SDK1: variants seen among roughly 807,000 people sequenced by gnomAD.
The protein encoded by SDK1 is sidekick cell adhesion molecule 1.
In SDK1, 157 loss-of-function variants were observed where a neutral mutation model predicts 245.5. The observed-to-expected ratio is 0.64, with a 90% confidence interval of 0.56 to 0.73. The LOEUF is 0.73. SDK1 is among the 30% of genes least tolerant of loss of function. The pLI, the probability that SDK1 is intolerant of heterozygous loss-of-function variation, is 0.00. For missense variants in SDK1, 3,583 were observed against 3,002.3 expected (o/e 1.19, Z -4.52); for synonymous variants, 1,647 against 1,278.5 (o/e 1.29, Z -6.15).
chr7:3,320,795 A>C (rs1320030522), intron 1 of SDK1, among the ~76,000 whole-genome samples: 1 of 152,182 alleles, frequency 6.6e-6, no homozygotes, highest in East Asian at 1.9e-4. Context: ...ACCAAACTTT[A>C]TAATATAGTG....
At chr7:3,906,636 TTTTTTTTTTG>T in intron 5 of SDK1, among the ~76,000 whole-genome samples, 1 of 139,384 alleles carries the variant, frequency 7.2e-6, no homozygotes, top group African/African-American at 2.7e-5. Context: ...TTTTTTTTTT[TTTTTTTTTTG>T]AGACAGAGTC....
intron 1 of SDK1, among the ~76,000 whole-genome samples, chr7:3,574,309 G>C (rs1780216285): frequency 6.6e-6 from 1 of 151,774 alleles, no homozygotes; most frequent in African/African-American, 2.4e-5. Flanking sequence ...GTAGAGACAG[G>C]GTTTCACCAT....
chr7:4,144,434 C>T (rs2128206121), intron 28 of SDK1, among the ~76,000 whole-genome samples: 1 of 151,546 alleles, frequency 6.6e-6, no homozygotes, highest in South Asian at 2.1e-4. Flanking sequence ...GCGTGTGTCC[C>T]TGTCTGTGTG....
chr7:4,169,002 A>G (rs958706524), intron 32 of SDK1, among the ~76,000 whole-genome samples: 4 of 152,116 alleles, frequency 2.6e-5, no homozygotes, highest in Non-Finnish European at 4.4e-5. Flanking sequence ...GGGCAAAACA[A>G]TCCGGCTCTC....
At chr7:3,967,240 C>T (rs572794667) in intron 9 of SDK1, 78 bp from the exon 10 acceptor site, 20 of 1,100,996 alleles carry the variant, frequency 1.8e-5, no homozygotes, top group African/African-American at 9.2e-5. Flanking sequence ...CTCTAAAGCC[C>T]GTGCAGGATA....
chr7:3,780,424 G>A (rs1780696247), intron 4 of SDK1, among the ~76,000 whole-genome samples: 1 of 152,254 alleles, frequency 6.6e-6, no homozygotes, highest in Non-Finnish European at 1.5e-5. Flanking sequence ...ATGGTTACCA[G>A]CACATGGATC....
intron 1 of SDK1, among the ~76,000 whole-genome samples, chr7:3,530,365 TTA>T (rs1783301129): frequency 1.3e-5 from 2 of 152,334 alleles, no homozygotes; most frequent in African/African-American, 2.4e-5. Context: ...TTTATGGATT[TTA>T]TGTGTTTCAT....
At chr7:4,022,624 C>T (rs186980921) in intron 17 of SDK1, among the ~76,000 whole-genome samples, 54 of 152,204 alleles carry the variant, frequency 3.5e-4, no homozygotes, top group African/African-American at 1.2e-3. Context: ...GAGGTAGCAG[C>T]TCATTCTTCT....
At chr7:3,427,009 C>T (rs965236903) in intron 1 of SDK1, among the ~76,000 whole-genome samples, 1 of 152,196 alleles carries the variant, frequency 6.6e-6, no homozygotes, top group African/African-American at 2.4e-5. Context: ...CTAATTCTTA[C>T]TATACCTTTC....
intron 4 of SDK1, among the ~76,000 whole-genome samples, chr7:3,749,178 C>G (rs1779707070): frequency 6.6e-6 from 1 of 152,160 alleles, no homozygotes; most frequent in Admixed American, 6.5e-5. Flanking sequence ...GCTCTGTCAC[C>G]TAGGCTGGAG....
At chr7:3,814,143 T>C (rs1779452195) in intron 4 of SDK1, among the ~76,000 whole-genome samples, 3 of 148,374 alleles carry the variant, frequency 2.0e-5, no homozygotes, top group South Asian at 4.4e-4. Flanking sequence ...AATTTTGGCT[T>C]TTGTTGCCAT....
chr7:3,782,892 G>C (rs188945988), intron 4 of SDK1, among the ~76,000 whole-genome samples: 11 of 152,204 alleles, frequency 7.2e-5, no homozygotes, highest in Non-Finnish European at 2.9e-5. Flanking sequence ...CATTACCTTG[G>C]TACCAAAGCC....
chr7:3,951,844 G>A lies in SDK1; in HGVS notation c.1074G>A (p.Gly358=), dbSNP rs1447083111. ...TISNPTSADT[G]PYVCEAALPG... ...GCAACCCGACGTCCGCGGACACCGG[G>A]CCATACGTCTGCGAGGCGGCGCTGC... The change falls in exon 7 of 45, where the codon GGG becomes GGA. Residue 358 remains glycine, a synonymous_variant. Coordinates refer to ENST00000404826, the MANE Select transcript of SDK1 (RefSeq NM_152744.4). 6.2e-7 allele frequency: 1 copy of A among 1,613,816 alleles called. No homozygotes were observed. Among genetic ancestry groups the A allele is most frequent in the Admixed American group, 1.7e-5 (1 of 60,000 alleles).
chr7:4,137,322 C>A (rs1025784860), intron 28 of SDK1, among the ~76,000 whole-genome samples: 1 of 152,182 alleles, frequency 6.6e-6, no homozygotes, highest in African/African-American at 2.4e-5. Flanking sequence ...CTAAAACGTC[C>A]GGATAGAAGT....
intron 1 of SDK1, among the ~76,000 whole-genome samples, chr7:3,485,957 G>A (rs1437712066): frequency 1.3e-5 from 2 of 151,790 alleles, no homozygotes; most frequent in East Asian, 3.9e-4. Flanking sequence ...AACCATCTAT[G>A]CCTAGTGCTT....
chr7:3,481,646 CTG>C (rs1490532297), intron 1 of SDK1, among the ~76,000 whole-genome samples: 1 of 152,240 alleles, frequency 6.6e-6, no homozygotes, highest in East Asian at 1.9e-4. Context: ...TCAGGGCTCA[CTG>C]TGTCCCTTGG....
Position 3,958,979 on chromosome 7 carries a change from T to C in SDK1, c.1199T>C (p.Val400Ala), listed in dbSNP as rs777738716. ...AEPESRISAE[V>A]EETVDIGCQA... ...CCCGAGAGTCGGATTTCAGCTGAAG[T>C]AGAAGAAACTGTGGACATCGGATGT... Residue 400 changes from valine to alanine, a missense_variant, in exon 8 of 45, where the codon GTA becomes GCA. Val to Ala is a moderately conservative substitution (Grantham distance 64). Coordinates refer to ENST00000404826, the MANE Select transcript of SDK1 (RefSeq NM_152744.4). 1.2e-6 allele frequency: 2 copies of C among 1,613,966 alleles called. No homozygotes were observed. The highest frequency in any genetic ancestry group is 4.5e-5 in the East Asian group (2 of 44,874).
intron 13 of SDK1, among the ~76,000 whole-genome samples, chr7:3,986,135 G>A (rs1470586114): frequency 6.6e-6 from 1 of 152,166 alleles, no homozygotes; most frequent in East Asian, 1.9e-4. Context: ...TGTAGACTCA[G>A]CCTTGGTAGA....
chr7:3,627,257 A>G (rs958323770), intron 2 of SDK1, among the ~76,000 whole-genome samples: 1 of 152,120 alleles, frequency 6.6e-6, no homozygotes, highest in East Asian at 1.9e-4. Flanking sequence ...TCCGAATCCT[A>G]TTATCCTATT....
Sources: allele counts gnomAD v4.1 joint callset (sites outside exome capture counted in the v4.1 genomes callset), GRCh38; gene constraint gnomAD v4.1.1; transcripts MANE v1.5; gene names NCBI Gene and HGNC (gene_info 2026-07-23, HGNC 2026-07-21).